PRDM5: variants seen among roughly 807,000 people sequenced by gnomAD.
PRDM5 encodes the protein PR/SET domain 5, also known as PR domain zinc finger protein 5.
PRDM5 carries 56 observed loss-of-function variants against 81.2 expected under a neutral mutation model. That is an observed-to-expected ratio of 0.69 (90% CI 0.56 to 0.86). PRDM5 has a LOEUF of 0.86. PRDM5 is among the 40% of genes least tolerant of loss of function. The pLI is 0.00. For missense variants in PRDM5, 697 were observed against 770.1 expected (o/e 0.91, Z 1.12); for synonymous variants, 267 against 256.4 (o/e 1.04, Z -0.39).
Position 120,799,645 on chromosome 4 carries a change from AAAG to A in PRDM5, c.1030+13_1030+15del, listed in dbSNP as rs763185611. 19 of 1,610,670 alleles carry A rather than the reference AAAG, an allele frequency of 1.2e-5. No individual in the cohort carries two copies. Among genetic ancestry groups the A allele is most frequent in the Non-Finnish European group, 1.6e-5 (19 of 1,179,116 alleles). On this transcript the variant is annotated intron_variant, in intron 9 of 15. Coordinates refer to ENST00000264808, the MANE Select transcript of PRDM5 (RefSeq NM_018699.4). The stretch of plus-strand genomic sequence containing the variant: ...TGTAATGATATCACTATAAACAAAA[AAAG>A]TATATAGTTTACCTGAGTGGGTGAT...
At chr4:120,684,814 A>T (rs887774957), downstream of PRDM5, 3 of 151,898 alleles carry the variant, frequency 2.0e-5, no homozygotes, top group East Asian at 3.9e-4. Context: ...TGAATTACAT[A>T]AAAAAATTAA....
chr4:120,794,711 C>T (rs745883501), intron 10 of PRDM5, among the ~76,000 whole-genome samples: 4 of 152,004 alleles, frequency 2.6e-5, no homozygotes, highest in Non-Finnish European at 4.4e-5. Context: ...GCAACCTCCA[C>T]CTCCCGGGTT....
chr4:120,779,242 A>G (rs952762760), intron 12 of PRDM5, among the ~76,000 whole-genome samples: 2 of 151,500 alleles, frequency 1.3e-5, no homozygotes, highest in Non-Finnish European at 2.9e-5. Flanking sequence ...GTTTCAAAAG[A>G]CATTAAAGGT....
At chr4:120,908,412 T>C (rs1253131261) in intron 1 of PRDM5, among the ~76,000 whole-genome samples, 1 of 152,154 alleles carries the variant, frequency 6.6e-6, no homozygotes, top group Non-Finnish European at 1.5e-5. Context: ...TCCCTTCACA[T>C]GGAGGTGATG....
chr4:120,908,735 T>C (rs1020227579), intron 1 of PRDM5, among the ~76,000 whole-genome samples: 1 of 152,208 alleles, frequency 6.6e-6, no homozygotes, highest in Non-Finnish European at 1.5e-5. Flanking sequence ...TTGTAAGTAA[T>C]TTAAACACAG....
chr4:120,884,228 AT>A (rs1448098821), intron 2 of PRDM5, among the ~76,000 whole-genome samples: 2 of 152,218 alleles, frequency 1.3e-5, no homozygotes, highest in African/African-American at 2.4e-5. Context: ...CACAAAAAAA[AT>A]AATGTGGGAC....
At chr4:120,875,503 G>C (rs1484207728) in intron 2 of PRDM5, among the ~76,000 whole-genome samples, 2 of 152,238 alleles carry the variant, frequency 1.3e-5, no homozygotes, top group African/African-American at 2.4e-5. Context: ...TTATGCCCTG[G>C]AAGCAGAGCT....
At chr4:120,759,932 T>C (rs2149173285) in intron 13 of PRDM5, among the ~76,000 whole-genome samples, 1 of 152,334 alleles carries the variant, frequency 6.6e-6, no homozygotes, top group African/African-American at 2.4e-5. Flanking sequence ...TAAGGTTCTG[T>C]TCTACAGTTC....
In PRDM5 at chr4:120,803,777, A is replaced by G. The variant is rs375855874; in HGVS notation, c.946-4032T>C. 6.6e-5 allele frequency among the ~76,000 whole-genome samples: 10 copies of G among 152,354 alleles called. No individual in the cohort carries two copies. The East Asian group carries it at 1.9e-3, about 29-fold the overall frequency. The stretch of plus-strand genomic sequence containing the variant: ...CCAAATTGTAAAGACCATCGATGCT[A>G]GGAAGAAACTGCATCAACTAACGAG... On this transcript the variant is annotated intron_variant, in intron 8 of 15. Coordinates refer to ENST00000264808, the MANE Select transcript of PRDM5 (RefSeq NM_018699.4).
At chr4:120,845,003 C>T (rs959961191) in intron 3 of PRDM5, among the ~76,000 whole-genome samples, 9 of 152,220 alleles carry the variant, frequency 5.9e-5, no homozygotes, top group African/African-American at 2.2e-4. Flanking sequence ...TAAGCCAAAG[C>T]CCAAACCAGA....
intron 4 of PRDM5, among the ~76,000 whole-genome samples, chr4:120,820,368 T>C (rs1755102434): frequency 6.6e-6 from 1 of 152,190 alleles, no homozygotes; most frequent in Admixed American, 6.5e-5. Context: ...TTCTGCTGCT[T>C]ACCAAGTATC....
intron 2 of PRDM5, among the ~76,000 whole-genome samples, chr4:120,904,921 A>T (rs1487662484): frequency 6.6e-6 from 1 of 152,180 alleles, no homozygotes; most frequent in African/African-American, 2.4e-5. Context: ...ATTTTTAAAA[A>T]AGAAAAAACC....
chr4:120,834,069 C>T lies in PRDM5; in HGVS notation c.301-12724G>A, dbSNP rs1485152261. Among the ~76,000 whole-genome samples, 4 of 152,138 alleles carry T rather than the reference C, an allele frequency of 2.6e-5. 1 individual carries two copies. The highest frequency in any genetic ancestry group is 5.9e-5 in the Non-Finnish European group (4 of 67,976). On this transcript the variant is annotated intron_variant, in intron 3 of 15. Coordinates refer to ENST00000264808, the MANE Select transcript of PRDM5 (RefSeq NM_018699.4). ...TTGGTTATTACAGGAAATTTGTAAA[C>T]GATCAGACTAAAAAAGTAGCTTCAA...
chr4:120,738,165 T>C (rs1209315356), intron 14 of PRDM5, among the ~76,000 whole-genome samples: 3 of 152,212 alleles, frequency 2.0e-5, no homozygotes, highest in Non-Finnish European at 4.4e-5. Flanking sequence ...CCTCCTAATC[T>C]TAAGCAGAGA....
At chr4:120,861,917 A>C (rs972556332) in intron 2 of PRDM5, among the ~76,000 whole-genome samples, 1 of 152,188 alleles carries the variant, frequency 6.6e-6, no homozygotes, top group Non-Finnish European at 1.5e-5. Flanking sequence ...GGGAGAAAAA[A>C]ATTTTTTTAA....
Position 120,728,686 on chromosome 4 carries a change from T to C in PRDM5, c.1624-18273A>G, listed in dbSNP as rs187525319. Among the ~76,000 whole-genome samples the C allele has an allele frequency of 6.4e-4, 97 of 152,272 alleles. No individual in the cohort carries two copies. In the South Asian group the frequency reaches 7.3e-3, roughly 11 times the overall value. ...TCTACCCCGCCCCCTGCCCCTTACA[T>C]ACGTCGCCTAGTGTTGCGTTAGAAG... On this transcript the variant is annotated intron_variant, in intron 14 of 15. Coordinates refer to ENST00000264808, the MANE Select transcript of PRDM5 (RefSeq NM_018699.4).
intron 2 of PRDM5, among the ~76,000 whole-genome samples, chr4:120,857,489 T>C (rs751616962): frequency 6.6e-6 from 1 of 152,260 alleles, no homozygotes; most frequent in Non-Finnish European, 1.5e-5. Flanking sequence ...TATTCCCTTA[T>C]GGGAACTTGG....
chr4:120,757,645 A>AC (rs1744949869), intron 13 of PRDM5, among the ~76,000 whole-genome samples: 1 of 152,120 alleles, frequency 6.6e-6, no homozygotes, highest in East Asian at 1.9e-4. Flanking sequence ...TCCATTGAGG[A>AC]CCCGGATAGA....
In PRDM5 at chr4:120,911,744, T is replaced by C. The variant is rs143114999; in HGVS notation, c.94-4187A>G. On this transcript the variant is annotated intron_variant, in intron 1 of 15. Coordinates refer to ENST00000264808, the MANE Select transcript of PRDM5 (RefSeq NM_018699.4). The stretch of plus-strand genomic sequence containing the variant: ...ATTTCTTCCAGCTTTTAAATTCCAA[T>C]AGAAAGAGCTTCCACAGACCAAATT... 1.5e-4 allele frequency among the ~76,000 whole-genome samples: 23 copies of C among 152,258 alleles called. 1 individual carries two copies. The East Asian group carries it at 4.4e-3, about 29-fold the overall frequency.
Sources: allele counts gnomAD v4.1 joint callset (sites outside exome capture counted in the v4.1 genomes callset), GRCh38; gene constraint gnomAD v4.1.1; transcripts MANE v1.5; gene names NCBI Gene and HGNC (gene_info 2026-07-23, HGNC 2026-07-21).